Variants in SDK1 observed in about 807,000 individuals in gnomAD.
SDK1 encodes sidekick cell adhesion molecule 1.
A neutral mutation model predicts 245.5 loss-of-function variants in SDK1; 157 were observed. That is an observed-to-expected ratio of 0.64 (90% CI 0.56 to 0.73). The LOEUF is 0.73. Among genes scored for constraint, SDK1 ranks in the 30% least tolerant of loss-of-function variants. SDK1 has a pLI of 0.00. For synonymous variants in SDK1, 1,647 were observed against 1,278.5 expected (o/e 1.29, Z -6.15); for missense variants, 3,583 against 3,002.3 (o/e 1.19, Z -4.52).
At chr7:3,521,657 A>T (rs1454903966) in intron 1 of SDK1, among the ~76,000 whole-genome samples, 4 of 152,196 alleles carry the variant, frequency 2.6e-5, no homozygotes, top group African/African-American at 9.7e-5. Context: ...ACTACTGTGG[A>T]TTCGATAGTC....
intron 1 of SDK1, among the ~76,000 whole-genome samples, chr7:3,599,702 T>A (rs1781193604): frequency 6.6e-6 from 1 of 152,218 alleles, no homozygotes; most frequent in Non-Finnish European, 1.5e-5. Flanking sequence ...TAGCATCATT[T>A]GTTTAAAAGT....
chr7:3,766,892 A>G (rs1650395422), intron 4 of SDK1, among the ~76,000 whole-genome samples: 2 of 152,222 alleles, frequency 1.3e-5, no homozygotes, highest in African/African-American at 4.8e-5. Flanking sequence ...TGGCATTGTC[A>G]CTTTAACAAT....
At chr7:3,485,285 G>A (rs1233908320) in intron 1 of SDK1, among the ~76,000 whole-genome samples, 1 of 152,120 alleles carries the variant, frequency 6.6e-6, no homozygotes, top group Non-Finnish European at 1.5e-5. Context: ...AGACGTGGTG[G>A]CCATTTGCAG....
At chr7:3,604,298 G>C (rs1487756539) in intron 1 of SDK1, among the ~76,000 whole-genome samples, 1 of 152,142 alleles carries the variant, frequency 6.6e-6, no homozygotes, top group African/African-American at 2.4e-5. Flanking sequence ...ATTCGGCTGT[G>C]AATCCATCTG....
intron 4 of SDK1, among the ~76,000 whole-genome samples, chr7:3,678,077 A>G (rs1562650637): frequency 6.6e-6 from 1 of 152,238 alleles, no homozygotes; most frequent in East Asian, 1.9e-4. Context: ...CAAAACCACA[A>G]TTAGACACAA....
At position 3,578,089 on chromosome 7, in the gene SDK1, T is replaced by C. The variant is rs917500951; in HGVS notation, c.299-40991T>C. On this transcript the variant is annotated intron_variant, in intron 1 of 44. Transcript: ENST00000404826. The stretch of plus-strand genomic sequence containing the variant: ...GTATATTTTCTCTCTCTAATTTGCA[T>C]TATTTTTTATCAGGGGAACCCACCC... Among the ~76,000 whole-genome samples the C allele has an allele frequency of 8.5e-5, 13 of 152,058 alleles. 1 individual carries two copies. Among genetic ancestry groups the C allele is most frequent in the Admixed American group, 2.0e-4 (3 of 15,262 alleles).
intron 25 of SDK1, among the ~76,000 whole-genome samples, chr7:4,114,997 C>T (rs1242664438): frequency 6.6e-6 from 1 of 152,192 alleles, no homozygotes; most frequent in Non-Finnish European, 1.5e-5. Flanking sequence ...CTCTGCTGCC[C>T]TGTGCTAATG....
chr7:4,033,337 AAAATATG>A (rs1254822626), intron 17 of SDK1, among the ~76,000 whole-genome samples: 1 of 152,218 alleles, frequency 6.6e-6, no homozygotes, highest in Non-Finnish European at 1.5e-5. Flanking sequence ...ATCAATATTA[AAAATATG>A]AAACTGTACA....
At chr7:4,224,994 A>AG in intron 40 of SDK1, among the ~76,000 whole-genome samples, 2 of 104,674 alleles carry the variant, frequency 1.9e-5, no homozygotes, top group Non-Finnish European at 1.8e-5. Flanking sequence ...AAAAAAAAAA[A>AG]AAAAAAAAAA....
intron 1 of SDK1, among the ~76,000 whole-genome samples, chr7:3,313,855 T>A (rs1374510612): frequency 6.6e-6 from 1 of 152,198 alleles, no homozygotes; most frequent in Non-Finnish European, 1.5e-5. Context: ...TATAATTAGC[T>A]CTATTTAGCC....
At chr7:3,415,988 A>G (rs1385479390) in intron 1 of SDK1, among the ~76,000 whole-genome samples, 1 of 152,144 alleles carries the variant, frequency 6.6e-6, no homozygotes, top group Non-Finnish European at 1.5e-5. Flanking sequence ...GAGGCTTGCA[A>G]TTACCAGAGC....
intron 1 of SDK1, among the ~76,000 whole-genome samples, chr7:3,474,158 G>T (rs866814155): frequency 7.1e-6 from 1 of 141,720 alleles, no homozygotes; most frequent in East Asian, 2.2e-4. Context: ...GCTGGGGCGC[G>T]GTGGCTCAAT....
At chr7:3,940,853 T>C (rs1780340201) in intron 5 of SDK1, among the ~76,000 whole-genome samples, 1 of 151,994 alleles carries the variant, frequency 6.6e-6, no homozygotes, top group African/African-American at 2.4e-5. Context: ...AGGTCAGTGC[T>C]CCCTGGCTTC....
chr7:3,353,990 C>G (rs1484120400), intron 1 of SDK1, among the ~76,000 whole-genome samples: 1 of 149,758 alleles, frequency 6.7e-6, no homozygotes, highest in African/African-American at 2.4e-5. Flanking sequence ...GACCATTTTT[C>G]TTTTCTTTTT....
intron 1 of SDK1, among the ~76,000 whole-genome samples, chr7:3,445,678 T>G (rs1780321632): frequency 1.3e-5 from 2 of 152,142 alleles, no homozygotes; most frequent in Admixed American, 6.6e-5. Context: ...TTTATGAACC[T>G]TCCTTGAACT....
intron 25 of SDK1, among the ~76,000 whole-genome samples, chr7:4,117,216 C>A (rs1362694361): frequency 6.6e-6 from 1 of 152,160 alleles, no homozygotes; most frequent in Non-Finnish European, 1.5e-5. Context: ...ACCTGTAATC[C>A]CAGCACTTTG....
At chr7:4,122,197 C>G (rs1784107936) in intron 25 of SDK1, among the ~76,000 whole-genome samples, 1 of 152,200 alleles carries the variant, frequency 6.6e-6, no homozygotes, top group Admixed American at 6.5e-5. Flanking sequence ...GGAATCTCCC[C>G]ACCTCTGACT....
intron 35 of SDK1, among the ~76,000 whole-genome samples, chr7:4,187,918 AAG>A (rs971068663): frequency 1.6e-4 from 25 of 152,204 alleles, no homozygotes; most frequent in African/African-American, 5.3e-4. Context: ...TATAAAGAAA[AAG>A]AGGTTGAACG....
intron 9 of SDK1, among the ~76,000 whole-genome samples, chr7:3,964,608 G>A (rs1445740035): frequency 6.6e-6 from 1 of 152,136 alleles, no homozygotes; most frequent in Non-Finnish European, 1.5e-5. Flanking sequence ...CATTGTTTCT[G>A]TGGGTTTTCT....
Sources: gnomAD v4.1 joint callset for allele counts (sites outside exome capture counted in the v4.1 genomes callset) on GRCh38, gnomAD v4.1.1 for gene constraint, MANE v1.5 for transcripts, NCBI Gene and HGNC (gene_info 2026-07-23, HGNC 2026-07-21) for gene names.